Variants in NCOA7 observed in about 807,000 individuals in gnomAD.
NCOA7 encodes the protein 140 kDa estrogen receptor-associated protein.
NCOA7 carries 45 observed loss-of-function variants against 104.3 expected under a neutral mutation model. That is an observed-to-expected ratio of 0.43 (90% CI 0.34 to 0.55). NCOA7 has a LOEUF of 0.55. Ranked by LOEUF, NCOA7 falls within the 20% of genes least tolerant of loss-of-function variation. NCOA7 has a pLI of 0.02. For missense variants in NCOA7, 1,041 were observed against 1,119.7 expected, an observed-to-expected ratio of 0.93 and a Z score of 1.00; for synonymous variants, 398 against 402.3, an observed-to-expected ratio of 0.99 and a Z score of 0.13.
intron 2 of NCOA7, among the ~76,000 whole-genome samples, chr6:125,835,257 G>A (rs1779516596): frequency 6.6e-6 from 1 of 152,102 alleles, no homozygotes; most frequent in Admixed American, 6.5e-5. Flanking sequence ...TCCAAACCCA[G>A]CTCAGCCAAT....
intron 11 of NCOA7, among the ~76,000 whole-genome samples, chr6:125,916,045 A>G (rs1170977767): frequency 6.6e-6 from 1 of 152,214 alleles, no homozygotes; most frequent in Non-Finnish European, 1.5e-5. Flanking sequence ...CCACGTCCCC[A>G]TGCAAATCAT....
intron 1 of NCOA7, among the ~76,000 whole-genome samples, chr6:125,813,419 C>A (rs1048729891): frequency 6.6e-6 from 1 of 151,124 alleles, no homozygotes; most frequent in Admixed American, 6.6e-5. Context: ...TTGAAACCTG[C>A]TTGCTCGTAC....
At chr6:125,811,843 A>G (rs945296818) in intron 1 of NCOA7, among the ~76,000 whole-genome samples, 3 of 152,168 alleles carry the variant, frequency 2.0e-5, no homozygotes, top group Non-Finnish European at 4.4e-5. Flanking sequence ...GGCTAGGTAC[A>G]TGTGCCTTAA....
chr6:125,919,110 T>G (rs944580932), intron 11 of NCOA7: 1 of 690,480 alleles, frequency 1.4e-6, no homozygotes, highest in Non-Finnish European at 2.2e-6. Context: ...AAGGTGAAAG[T>G]GTCCTTTTAC....
chr6:125,782,068 T>TA (rs952817047), intron 1 of NCOA7, among the ~76,000 whole-genome samples: 5 of 152,052 alleles, frequency 3.3e-5, no homozygotes, highest in Admixed American at 2.0e-4. Context: ...CCTTAGTATT[T>TA]AAAAAAAAGA....
At chr6:125,877,746 T>C (rs1239118653) in intron 4 of NCOA7, among the ~76,000 whole-genome samples, 1 of 152,240 alleles carries the variant, frequency 6.6e-6, no homozygotes, top group African/African-American at 2.4e-5. Flanking sequence ...TTCCTTGCTT[T>C]CACAGTATTC....
Position 125,927,722 on chromosome 6 carries a change from C to A in NCOA7, c.2583C>A (p.Gly861=). ...FKFSDHYYGT[G]ETFLYTFSPH... ...TCAGTGACCACTATTATGGCACAGGCGAAACTTTTCTCTACACATTCAGCC... is the reference window on the plus strand; with the variant it reads ...TCAGTGACCACTATTATGGCACAGGAGAAACTTTTCTCTACACATTCAGCC... The change falls in exon 14 of 16, where the codon GGC becomes GGA. Residue 861 remains glycine (G), a synonymous_variant. Transcript: ENST00000392477. The A allele has an allele frequency of 6.2e-7, 1 of 1,614,004 alleles. No homozygotes were observed. Among genetic ancestry groups the A allele is most frequent in the Non-Finnish European group, 8.5e-7 (1 of 1,179,924 alleles).
intron 4 of NCOA7, chr6:125,875,176 G>T (rs1783256784): frequency 1.5e-5 from 7 of 456,986 alleles, no homozygotes; most frequent in Non-Finnish European, 2.4e-5. Flanking sequence ...GAGAATGTGA[G>T]GGTGATCTGG....
intron 13 of NCOA7, among the ~76,000 whole-genome samples, chr6:125,924,301 A>G (rs9491536): frequency 0.17 from 25,221 of 152,182 alleles, 2,430 homozygotes; most frequent in African/African-American, 0.28. Flanking sequence ...GTTTTACCAA[A>G]CTTCCTGTGC....
At chr6:125,876,283 C>T (rs531624080) in intron 4 of NCOA7, among the ~76,000 whole-genome samples, 1 of 152,200 alleles carries the variant, frequency 6.6e-6, no homozygotes, top group Non-Finnish European at 1.5e-5. Flanking sequence ...GCCCTGTGAA[C>T]GTCTCTAGAC....
chr6:125,858,627 G>GA (rs111365716), intron 3 of NCOA7, among the ~76,000 whole-genome samples: 2,286 of 135,512 alleles, frequency 0.017, 29 homozygotes, highest in African/African-American at 0.043. Flanking sequence ...CACTGTCTCT[G>GA]AAAAAAAAAA....
At chr6:125,810,334 A>T (rs1430948756) in intron 1 of NCOA7, 1 of 152,240 alleles carries the variant, frequency 6.6e-6, no homozygotes, top group Non-Finnish European at 1.5e-5. Flanking sequence ...TGTCTTCATC[A>T]CAGCTCTTTT....
In NCOA7 at chr6:125,855,132, T is replaced by C. The variant is rs1251991506; in HGVS notation, c.163T>C (p.Cys55Arg). 1.2e-6 allele frequency: 2 copies of C among 1,613,140 alleles called. No individual in the cohort carries two copies. The highest frequency in any genetic ancestry group is 1.7e-6 in the Non-Finnish European group (2 of 1,179,858). ...NNTVVLEPDK[C>R]NIAVEEEYMT... ...TACAGTAGTTTTAGAGCCAGACAAG[T>C]GCAACATTGCTGTGGAAGAGGAATA... Residue 55 changes from cysteine to arginine, a missense_variant, in exon 3 of 16, where the codon TGC becomes CGC. This residue lies in a region of NCOA7 where 914 missense variants were observed against 942.7 expected (regional missense o/e 0.97). Transcript: ENST00000392477.
chr6:125,891,272 G>C (rs1039918933), intron 10 of NCOA7, among the ~76,000 whole-genome samples: 3 of 152,148 alleles, frequency 2.0e-5, no homozygotes, highest in Non-Finnish European at 4.4e-5. Flanking sequence ...TAAGAAATGT[G>C]ATCCCCTGGA....
chr6:125,889,194 A>T lies in NCOA7; in HGVS notation c.1140A>T (p.Thr380=). ...AGAAACTGGACTCCTCTAGGGAGACATCCCATGGTTCTCCCACAGTGACTA... is the reference window on the plus strand; with the variant it reads ...AGAAACTGGACTCCTCTAGGGAGACTTCCCATGGTTCTCCCACAGTGACTA... ...KLKKLDSSRE[T]SHGSPTVTKL... The change falls in exon 9 of 16, where the codon ACA becomes ACT. Residue 380 remains threonine, a synonymous_variant. Coordinates refer to ENST00000392477, the MANE Select transcript of NCOA7 (RefSeq NM_181782.5). 1 of 1,614,044 alleles carries T rather than the reference A, an allele frequency of 6.2e-7. No individual in the cohort carries two copies. The highest frequency in any genetic ancestry group is 8.5e-7 in the Non-Finnish European group (1 of 1,179,984).
intron 4 of NCOA7, chr6:125,875,624 T>G (rs570754043): frequency 1.3e-5 from 2 of 152,338 alleles, no homozygotes; most frequent in South Asian, 4.1e-4. Context: ...CGTTACTACC[T>G]TCTGTGATTT....
chr6:125,915,176 G>A (rs999894438), intron 10 of NCOA7, among the ~76,000 whole-genome samples, 157 bp from the exon 11 acceptor site: 1 of 152,148 alleles, frequency 6.6e-6, no homozygotes, highest in Non-Finnish European at 1.5e-5. Flanking sequence ...TTAATTTTGA[G>A]TATGGAAGTA....
intron 13 of NCOA7, among the ~76,000 whole-genome samples, chr6:125,927,057 TA>T (rs1788094761): frequency 6.6e-6 from 1 of 152,220 alleles, no homozygotes; most frequent in South Asian, 2.1e-4. Flanking sequence ...ATGATCTAAA[TA>T]ACTCCATGAT....
intron 3 of NCOA7, among the ~76,000 whole-genome samples, chr6:125,859,956 A>C (rs183516177): frequency 6.6e-6 from 1 of 152,298 alleles, no homozygotes; most frequent in East Asian, 1.9e-4. Flanking sequence ...TAATTCTAAA[A>C]ATGCCTTGTT....
Sources: gnomAD v4.1 joint callset for allele counts (sites outside exome capture counted in the v4.1 genomes callset) on GRCh38, gnomAD v4.1.1 for gene constraint, gnomAD v4.1.1 regional missense constraint, MANE v1.5 for transcripts, NCBI Gene and HGNC (gene_info 2026-07-23, HGNC 2026-07-21) for gene names.